Variants in CFAP210 observed in about 807,000 individuals in gnomAD.
CFAP210 encodes the protein cilia- and flagella- associated protein 210.
At chr2:169,674,599 A>G in the CFAP210 span, 3 of 1,605,600 alleles carry the variant, frequency 1.9e-6, no homozygotes, top group Admixed American at 3.4e-5. Flanking sequence ...CTTTGGCAAG[A>G]GCCACCCTTT....
chr2:169,681,001 A>C, the CFAP210 span: 1 of 1,611,758 alleles, frequency 6.2e-7, no homozygotes, highest in Non-Finnish European at 8.5e-7. Flanking sequence ...GATGGTTAAT[A>C]CTTACTGCAT....
At chr2:169,676,952 C>T in the CFAP210 span, among the ~76,000 whole-genome samples, 1 of 152,098 alleles carries the variant, frequency 6.6e-6, no homozygotes, top group African/African-American at 2.4e-5. Context: ...AGCATTTCTC[C>T]CCAGGCGAGA....
chr2:169,649,235 A>AT, the CFAP210 span: 1 of 1,613,650 alleles, frequency 6.2e-7, no homozygotes, highest in Non-Finnish European at 8.5e-7. Context: ...TCAGCTTTGC[A>AT]TTTTTTCTCC....
the CFAP210 span, among the ~76,000 whole-genome samples, chr2:169,663,058 C>T: frequency 6.6e-6 from 1 of 152,308 alleles, no homozygotes; most frequent in African/African-American, 2.4e-5. Flanking sequence ...CAGCTCACCC[C>T]TAAACCCCAC....
At chr2:169,658,470 C>T in the CFAP210 span, 1 of 152,636 alleles carries the variant, frequency 6.6e-6, no homozygotes, top group Non-Finnish European at 1.5e-5. Flanking sequence ...TCAGTAGAGA[C>T]CCCAATAATT....
chr2:169,659,865 T>G, the CFAP210 span, among the ~76,000 whole-genome samples: 10 of 152,340 alleles, frequency 6.6e-5, no homozygotes, highest in South Asian at 1.9e-3. Context: ...GATTTCTTCA[T>G]GGTTCAATCT....
chr2:169,653,111 T>C, the CFAP210 span, among the ~76,000 whole-genome samples: 33 of 133,668 alleles, frequency 2.5e-4, 1 homozygote, highest in South Asian at 4.9e-4. Flanking sequence ...TAGTGCTATA[T>C]ATCAAGCAAC....
chr2:169,683,691 G>A, the CFAP210 span, among the ~76,000 whole-genome samples: 32 of 152,316 alleles, frequency 2.1e-4, no homozygotes, highest in African/African-American at 7.2e-4. Context: ...AGGAGAGCAG[G>A]ATGTTAGAAA....
chr2:169,684,046 G>A, the CFAP210 span, among the ~76,000 whole-genome samples: 1,422 of 152,184 alleles, frequency 9.3e-3, 6 homozygotes, highest in Non-Finnish European at 0.013. Flanking sequence ...AGCTCTTAGA[G>A]GGCAATCTTA....
chr2:169,649,423 A>G, the CFAP210 span: 1 of 1,350,214 alleles, frequency 7.4e-7, no homozygotes, highest in Admixed American at 2.0e-5. Flanking sequence ...ACAGAGTCAG[A>G]GAGTTGAAGC....
At chr2:169,669,259 G>C in the CFAP210 span, among the ~76,000 whole-genome samples, 1 of 152,140 alleles carries the variant, frequency 6.6e-6, no homozygotes, top group Non-Finnish European at 1.5e-5. Context: ...TGGAAGATCA[G>C]TATAATGGAG....
At chr2:169,672,387 A>G in the CFAP210 span, among the ~76,000 whole-genome samples, 1 of 152,150 alleles carries the variant, frequency 6.6e-6, no homozygotes, top group East Asian at 1.9e-4. Flanking sequence ...TATTTGGGAG[A>G]ATTAGCTCAC....
chr2:169,663,793 T>TA, the CFAP210 span, among the ~76,000 whole-genome samples: 12,287 of 142,874 alleles, frequency 0.086, 524 homozygotes, highest in South Asian at 0.13. Context: ...CTAAAAATAA[T>TA]AATAAAAAAA....
the CFAP210 span, among the ~76,000 whole-genome samples, chr2:169,683,601 C>CAGT: frequency 1.0e-3 from 155 of 152,286 alleles, no homozygotes; most frequent in Admixed American, 3.4e-3. Context: ...TAAAGAGGGT[C>CAGT]AGTATAGCAC....
chr2:169,676,339 A>G, the CFAP210 span, among the ~76,000 whole-genome samples: 1 of 151,306 alleles, frequency 6.6e-6, no homozygotes, highest in Non-Finnish European at 1.5e-5. Flanking sequence ...GGAGAGTTAA[A>G]GCGTTACATG....
At chr2:169,662,196 C>T in the CFAP210 span, 4 of 1,407,490 alleles carry the variant, frequency 2.8e-6, no homozygotes, top group Non-Finnish European at 3.9e-6. Context: ...ACTCCATAAA[C>T]ATGTACAAAT....
chr2:169,687,475 A>C, the CFAP210 span, among the ~76,000 whole-genome samples: 1 of 152,104 alleles, frequency 6.6e-6, no homozygotes, highest in Non-Finnish European at 1.5e-5. Context: ...GGCCAAAACA[A>C]AGGGGCTGCA....
chr2:169,669,313 A>C, the CFAP210 span, among the ~76,000 whole-genome samples: 2 of 152,348 alleles, frequency 1.3e-5, no homozygotes, highest in South Asian at 4.1e-4. Flanking sequence ...GGAGGTTGCG[A>C]AGTAGGCAGG....
At chr2:169,653,029 A>ATAT in the CFAP210 span, among the ~76,000 whole-genome samples, 1 of 39,968 alleles carries the variant, frequency 2.5e-5, no homozygotes, top group Non-Finnish European at 4.0e-5. Flanking sequence ...AAAAAAAAAA[A>ATAT]ATATATATAT....
Sources: allele counts gnomAD v4.1 joint callset (sites outside exome capture counted in the v4.1 genomes callset), GRCh38; gene constraint gnomAD v4.1.1; transcripts MANE v1.5; gene names NCBI Gene and HGNC (gene_info 2026-07-23, HGNC 2026-07-21).